TMOD2: variants seen among roughly 807,000 people sequenced by gnomAD.
The protein encoded by TMOD2 is tropomodulin 2.
In TMOD2, 22 loss-of-function variants were observed where a neutral mutation model predicts 39.9. That is an observed-to-expected ratio of 0.55 (90% CI 0.39 to 0.79). The LOEUF is 0.79. Among genes scored for constraint, TMOD2 ranks in the 30% least tolerant of loss-of-function variants. The pLI, the probability that TMOD2 is intolerant of heterozygous loss-of-function variation, is 0.00. For missense variants in TMOD2, 386 were observed against 413.3 expected (o/e 0.93, Z 0.57); for synonymous variants, 123 against 146.1 (o/e 0.84, Z 1.14).
chr15:51,762,505 C>G (rs989190138), intron 1 of TMOD2, among the ~76,000 whole-genome samples: 4 of 152,122 alleles, frequency 2.6e-5, no homozygotes, highest in Admixed American at 2.6e-4. Flanking sequence ...CTGTTTTCGA[C>G]TTCCACATAG....
chr15:51,810,178 GGT>G lies in TMOD2; in HGVS notation c.*1728_*1729del, dbSNP rs2056147053. The G allele has an allele frequency of 1.3e-5, 2 of 152,046 alleles. No homozygotes were observed. The highest frequency in any genetic ancestry group is 4.1e-4 in the South Asian group (2 of 4,820). 9.4% of individuals were successfully genotyped at this position (152,046 alleles called of 1,614,324 possible). ...TTTTTCCTTCCCTTTCACCCATTTA[GGT>G]GTGATGTGTTGGAGTCAACTTGTAC... On this transcript the variant is annotated 3_prime_UTR_variant, in exon 10 of 10. Coordinates refer to ENST00000249700, the MANE Select transcript of TMOD2 (RefSeq NM_014548.4).
Position 51,809,279 on chromosome 15 carries a change from C to T in TMOD2, c.*825C>T, listed in dbSNP as rs2141647813. 1 of 152,718 alleles carries T rather than the reference C, an allele frequency of 6.5e-6. No homozygotes were observed. The highest frequency in any genetic ancestry group is 1.5e-5 in the Non-Finnish European group (1 of 68,014). 9.5% of individuals were successfully genotyped at this position (152,718 alleles called of 1,614,324 possible). A position where few individuals can be genotyped will look rare whatever the true frequency, so the allele number is the denominator to read the frequency against. ...TAAGAGAGAAGCTTTTAAAACAGTA[C>T]ATTCCTGAATAAAACAACAATATTG... On this transcript the variant is annotated 3_prime_UTR_variant, in exon 10 of 10. Transcript: ENST00000249700.
intron 3 of TMOD2, among the ~76,000 whole-genome samples, chr15:51,772,480 G>A (rs690287): frequency 0.85 from 128,854 of 152,064 alleles, 55,220 homozygotes; most frequent in African/African-American, 0.89. Context: ...TCCTGGGTAT[G>A]GCAATGTTAT....
intron 7 of TMOD2, among the ~76,000 whole-genome samples, chr15:51,793,702 C>T (rs1465812468): frequency 6.6e-6 from 1 of 152,292 alleles, no homozygotes; most frequent in African/African-American, 2.4e-5. Context: ...CTGGCTCGCC[C>T]CTGTTTTGTT....
chr15:51,788,038 G>A (rs966051769), intron 7 of TMOD2, among the ~76,000 whole-genome samples: 5 of 152,098 alleles, frequency 3.3e-5, no homozygotes, highest in African/African-American at 7.2e-5. Context: ...TCAGAAGGTC[G>A]GTAATAACAA....
At chr15:51,768,180 TAGTG>T (rs1007841357) in intron 2 of TMOD2, 78 bp from the exon 3 acceptor site, 1 of 1,514,812 alleles carries the variant, frequency 6.6e-7, no homozygotes, top group African/African-American at 1.4e-5. Context: ...CCCCAGCACA[TAGTG>T]AGTGGGGGTG....
intron 7 of TMOD2, among the ~76,000 whole-genome samples, chr15:51,796,414 A>C (rs540796800): frequency 1.2e-4 from 18 of 152,128 alleles, no homozygotes; most frequent in African/African-American, 4.1e-4. Flanking sequence ...CCTTCTCTGC[A>C]GTGTGTGTAT....
chr15:51,772,368 C>A (rs900634764), intron 3 of TMOD2, among the ~76,000 whole-genome samples: 4 of 152,126 alleles, frequency 2.6e-5, no homozygotes, highest in Non-Finnish European at 4.4e-5. Flanking sequence ...AATATGAATG[C>A]TCTGGGGTGT....
chr15:51,806,060 C>CA, intron 8 of TMOD2, among the ~76,000 whole-genome samples: 1 of 152,176 alleles, frequency 6.6e-6, no homozygotes, highest in Non-Finnish European at 1.5e-5. Context: ...GGGATGAATT[C>CA]AAAACACCAA....
chr15:51,806,384 A>C lies in TMOD2; in HGVS notation c.884A>C (p.Gln295Pro), dbSNP rs1271231919. The change falls in exon 9 of 10, where the codon CAG becomes CCG. Residue 295 changes from glutamine to proline, a missense_variant. Gln to Pro is a moderately conservative substitution (Grantham distance 76). Transcript: ENST00000249700. ...TEIKIDNQRQ[Q>P]LGTAVEMEIA... ...GTCTGCACCTGCAACCAGAGGCAGC[A>C]GTTGGGAACAGCTGTAGAGATGGAA... The C allele has an allele frequency of 1.2e-6, 2 of 1,614,056 alleles. No homozygotes were observed. The highest frequency in any genetic ancestry group is 2.2e-5 in the East Asian group (1 of 44,902).
chr15:51,753,814 G>A, intron 1 of TMOD2, among the ~76,000 whole-genome samples: 1 of 151,776 alleles, frequency 6.6e-6, no homozygotes, highest in African/African-American at 2.4e-5. Context: ...TAGCAAATGT[G>A]GCAGAATGAT....
intron 4 of TMOD2, among the ~76,000 whole-genome samples, chr15:51,775,570 CT>C (rs869308022): frequency 0.063 from 5,069 of 81,050 alleles, 20 homozygotes; most frequent in Non-Finnish European, 0.075. Flanking sequence ...ATTCTTTTTC[CT>C]TTTTTTTTTT....
chr15:51,802,850 G>A (rs1400007448), intron 8 of TMOD2, among the ~76,000 whole-genome samples: 11 of 152,162 alleles, frequency 7.2e-5, no homozygotes, highest in Non-Finnish European at 1.6e-4. Flanking sequence ...ATTGTGTTAA[G>A]TTCTTGAGGA....
intron 5 of TMOD2, among the ~76,000 whole-genome samples, chr15:51,779,537 C>T (rs1021642092): frequency 3.3e-5 from 5 of 152,202 alleles, no homozygotes; most frequent in Middle Eastern, 3.4e-3. Flanking sequence ...CCCACCACCA[C>T]GCCCGGCTAA....
At position 51,811,953 on chromosome 15, in the gene TMOD2, C is replaced by T. The variant is rs1295261573; in HGVS notation, c.*3499C>T. 8.5e-5 allele frequency: 13 copies of T among 152,186 alleles called. No individual in the cohort carries two copies. Among genetic ancestry groups the T allele is most frequent in the Admixed American group, 8.5e-4 (13 of 15,284 alleles). The allele number at this position is 152,186 out of a possible 1,614,324, so 9.4% of individuals were successfully genotyped here. Reference sequence around the variant, plus strand: ...CTATCCATTTGCCTAATGTATTTAACATTCCATCCTCATCAACATGATGAA... The same window carrying T: ...CTATCCATTTGCCTAATGTATTTAATATTCCATCCTCATCAACATGATGAA... On this transcript the variant is annotated 3_prime_UTR_variant, in exon 10 of 10. Coordinates refer to ENST00000249700, the MANE Select transcript of TMOD2 (RefSeq NM_014548.4).
At chr15:51,765,743 A>G (rs17610835) in intron 1 of TMOD2, among the ~76,000 whole-genome samples, 2,497 of 152,308 alleles carry the variant, frequency 0.016, 30 homozygotes, top group Non-Finnish European at 0.029. Context: ...GGGACTAGAA[A>G]TAGAATGGAA....
intron 7 of TMOD2, among the ~76,000 whole-genome samples, chr15:51,792,582 C>A (rs1409031881): frequency 6.6e-6 from 1 of 152,102 alleles, no homozygotes; most frequent in Non-Finnish European, 1.5e-5. Context: ...TATCGCGGCA[C>A]TATTCACAAT....
chr15:51,775,578 T>TTC (rs2055881958), intron 4 of TMOD2, among the ~76,000 whole-genome samples: 1 of 130,908 alleles, frequency 7.6e-6, no homozygotes, highest in African/African-American at 2.9e-5. Flanking sequence ...TCCTTTTTTT[T>TTC]TTTTTTTTTT....
At position 51,768,504 on chromosome 15, in the gene TMOD2, C is replaced by G. The variant is rs1020799090; in HGVS notation, c.283+86C>G. 7 of 1,320,144 alleles carry G rather than the reference C, an allele frequency of 5.3e-6. No individual in the cohort carries two copies. The Admixed American group carries it at 1.6e-4, about 29-fold the overall frequency. The allele number at this position is 1,320,144 out of a possible 1,614,324, so 81.8% of individuals were successfully genotyped here. ...GAGGCACTCTTAATTAAGATTACCT[C>G]TTTTTATTTTATTGTCGTGGAGGAT... On this transcript the variant is annotated intron_variant, in intron 3 of 9. Coordinates refer to ENST00000249700, the MANE Select transcript of TMOD2 (RefSeq NM_014548.4).
Sources: gnomAD v4.1 joint callset for allele counts (sites outside exome capture counted in the v4.1 genomes callset) on GRCh38, gnomAD v4.1.1 for gene constraint, MANE v1.5 for transcripts, NCBI Gene and HGNC (gene_info 2026-07-23, HGNC 2026-07-21) for gene names.